Variants in STON1 observed in about 807,000 individuals in gnomAD.
STON1 encodes the protein stonin 1.
Under a neutral mutation model 60.9 loss-of-function variants are expected in STON1, and 79 were observed. The observed-to-expected ratio is 1.30, with a 90% CI of 1.08 to 1.56. The LOEUF (loss-of-function observed/expected upper bound fraction) is 1.56, where lower values mean the gene tolerates loss of function less well. Among genes scored for constraint, STON1 ranks in the 40% most tolerant of loss-of-function variants. The probability of loss-of-function intolerance (pLI) is 0.00; values close to 1 mark genes in which losing one functional copy is unlikely to be tolerated. For missense variants in STON1, 1,166 were observed against 858.9 expected (o/e 1.36, Z -4.47); for synonymous variants, 363 against 306.9 (o/e 1.18, Z -1.91).
intron 1 of STON1, chr2:48,531,434 G>C (rs974126156): frequency 6.6e-6 from 1 of 152,212 alleles, no homozygotes; most frequent in Non-Finnish European, 1.5e-5. Context: ...TTGGGTGGAA[G>C]AATTGTTTAG....
chr2:48,539,913 A>G (rs577106238), intron 1 of STON1, among the ~76,000 whole-genome samples: 1 of 152,096 alleles, frequency 6.6e-6, no homozygotes, highest in Non-Finnish European at 1.5e-5. Flanking sequence ...CCTATTTCAC[A>G]TATGGAGCAG....
At chr2:48,564,552 CTTCTTCTTCTT>C (rs1558605510) in intron 1 of STON1, among the ~76,000 whole-genome samples, 54 of 52,706 alleles carry the variant, frequency 1.0e-3, no homozygotes, top group Middle Eastern at 9.8e-3. Context: ...TCTTCTTCTT[CTTCTTCTTCTT>C]CTTCTCCTTC....
At chr2:48,588,111 C>T (rs1270363106) in intron 2 of STON1, among the ~76,000 whole-genome samples, 2 of 152,178 alleles carry the variant, frequency 1.3e-5, no homozygotes, top group African/African-American at 2.4e-5. Flanking sequence ...GCCCAGGAAT[C>T]ACCTTGTTAA....
At chr2:48,555,372 C>T (rs1202586461) in intron 1 of STON1, among the ~76,000 whole-genome samples, 2 of 47,308 alleles carry the variant, frequency 4.2e-5, no homozygotes, top group Non-Finnish European at 8.7e-5. Flanking sequence ...GGCAGAGGGG[C>T]TCCTCACTTC....
intron 1 of STON1, among the ~76,000 whole-genome samples, chr2:48,564,582 C>T (rs1672835963): frequency 1.7e-5 from 1 of 57,706 alleles, no homozygotes; most frequent in Non-Finnish European, 3.9e-5. Flanking sequence ...TCTCCTTCTC[C>T]TCCTCCTCCT....
intron 1 of STON1, among the ~76,000 whole-genome samples, chr2:48,550,303 G>A (rs1315910408): frequency 6.6e-6 from 1 of 151,984 alleles, no homozygotes; most frequent in Non-Finnish European, 1.5e-5. Context: ...TTTGAGACCA[G>A]CCTGATCAAC....
chr2:48,534,605 G>A (rs1349661917), intron 1 of STON1, among the ~76,000 whole-genome samples: 1 of 152,126 alleles, frequency 6.6e-6, no homozygotes, highest in African/African-American at 2.4e-5. Flanking sequence ...GATCACTTGA[G>A]CCCAGGGGTT....
At chr2:48,567,612 A>G (rs1199916628) in intron 1 of STON1, among the ~76,000 whole-genome samples, 2 of 152,068 alleles carry the variant, frequency 1.3e-5, no homozygotes, top group African/African-American at 4.8e-5. Context: ...GGGTTTTGCC[A>G]TGTTGGTTTC....
At chr2:48,551,848 T>C (rs766417425) in intron 1 of STON1, among the ~76,000 whole-genome samples, 3 of 152,064 alleles carry the variant, frequency 2.0e-5, no homozygotes, top group Non-Finnish European at 2.9e-5. Flanking sequence ...TGTGCTGGAG[T>C]TGCTCCCAGC....
At chr2:48,556,946 G>A (rs1452381943) in intron 1 of STON1, among the ~76,000 whole-genome samples, 11 of 19,454 alleles carry the variant, frequency 5.7e-4, no homozygotes, top group Admixed American at 7.7e-4. Context: ...CTCACCTCCC[G>A]GACGGGGCGG....
chr2:48,575,123 T>C (rs1321895691), intron 1 of STON1, among the ~76,000 whole-genome samples: 1 of 152,258 alleles, frequency 6.6e-6, no homozygotes, highest in Non-Finnish European at 1.5e-5. Flanking sequence ...GATTTGTCCT[T>C]CTGTGATGGG....
chr2:48,591,924 A>T, intron 3 of STON1, 69 bp downstream of exon 3: 1 of 1,551,108 alleles, frequency 6.4e-7, no homozygotes, highest in South Asian at 1.2e-5. Flanking sequence ...GTCTTTTGTG[A>T]TCGTGTATGT....
rs569552126 is a variant in STON1 at position 48,561,636 on chromosome 2, G to A, written c.-47-18951G>A. On this transcript the variant is annotated intron_variant, in intron 1 of 3. Coordinates refer to ENST00000404752, the MANE Select transcript of STON1 (RefSeq NM_006873.4). ...TGTAGAATGTTTAGCAGCATCTCTG[G>A]CCCCTACTTACTAGACGCTAGTAGC... Among the ~76,000 whole-genome samples the A allele has an allele frequency of 3.9e-5, 6 of 152,224 alleles. No homozygotes were observed. The East Asian group carries it at 1.2e-3, about 29-fold the overall frequency.
At chr2:48,565,045 C>CTTTTT (rs35791710) in intron 1 of STON1, among the ~76,000 whole-genome samples, 44 of 86,486 alleles carry the variant, frequency 5.1e-4, no homozygotes, top group Non-Finnish European at 7.3e-4. Flanking sequence ...CCGGCTTCTT[C>CTTTTT]TTTTTTTTTT....
rs1168024403 is a variant in STON1 at position 48,581,772 on chromosome 2, C to A, written c.1139C>A (p.Ser380Tyr). 6.2e-7 allele frequency: 1 copy of A among 1,613,904 alleles called. No homozygotes were observed. Among genetic ancestry groups the A allele is most frequent in the South Asian group, 1.1e-5 (1 of 90,974 alleles). Residue 380 changes from serine (S) to tyrosine (Y), a missense_variant, in exon 2 of 4, where the codon TCC becomes TAC. Transcript: ENST00000404752. ...ATAGAGCAGATGCTGAAGTTGGGGT[C>A]CACATCGTACCATGACTTCCTTGAC... Reference protein sequence around the residue: ...PDIEQMLKLGSTSYHDFLDFL... With the variant: ...PDIEQMLKLGYTSYHDFLDFL...
At position 48,591,696 on chromosome 2, in the gene STON1, A is replaced by G. The variant is rs1341999741; in HGVS notation, c.1974A>G (p.Gly658=). ...GTCTGTCATACAAATTAGAGCTTGG[A>G]TCAGACCAAGAAATTCCCTCTGATT... is the stretch of plus-strand genomic sequence containing the variant. ...PHCLSYKLEL[G]SDQEIPSDWY... is the part of the protein sequence containing the mutation. Residue 658 remains glycine (G), a synonymous_variant, in exon 3 of 4, where the codon GGA becomes GGG. Coordinates refer to ENST00000404752, the MANE Select transcript of STON1 (RefSeq NM_006873.4). 4.3e-6 allele frequency: 7 copies of G among 1,613,982 alleles called. No homozygotes were observed. The African/African-American group carries it at 6.7e-5, about 15-fold the overall frequency.
At position 48,539,225 on chromosome 2, in the gene STON1, T is replaced by C. The variant is rs7588175; in HGVS notation, c.-48+9009T>C. On this transcript the variant is annotated intron_variant, in intron 1 of 3. Coordinates refer to ENST00000404752, the MANE Select transcript of STON1 (RefSeq NM_006873.4). Reference sequence around the variant, plus strand: ...GAGCCACCACTCCTTGCCCTTTTTTTATTCTTAATATTGTTTATTTGTGCC... The same window carrying C: ...GAGCCACCACTCCTTGCCCTTTTTTCATTCTTAATATTGTTTATTTGTGCC... Among the ~76,000 whole-genome samples the C allele has an allele frequency of 9.0e-3, 1,367 of 152,266 alleles. 8 individuals are homozygous for C. The highest frequency in any genetic ancestry group is 0.016 in the African/African-American group (676 of 41,568).
intron 1 of STON1, among the ~76,000 whole-genome samples, chr2:48,562,330 T>C (rs575210171): frequency 6.6e-6 from 1 of 152,146 alleles, no homozygotes; most frequent in Non-Finnish European, 1.5e-5. Flanking sequence ...CAGTTCAGAG[T>C]TGTTCAGAAA....
rs1673836941 is a variant in STON1, at chr2:48,580,845, T to G, written c.212T>G (p.Phe71Cys). The G allele has an allele frequency of 1.9e-6, 3 of 1,546,366 alleles. No homozygotes were observed. The South Asian group carries it at 3.9e-5, about 20-fold the overall frequency. The change falls in exon 2 of 4, where the codon TTC becomes TGC. Residue 71 changes from phenylalanine (F) to cysteine (C), a missense_variant. By Grantham distance (205) the Phe-to-Cys change is radical. Coordinates refer to ENST00000404752, the MANE Select transcript of STON1 (RefSeq NM_006873.4). Reference protein sequence around the residue: ...PLSSPIVDFYFSPGPPSNSPL... With the variant: ...PLSSPIVDFYCSPGPPSNSPL... ...TCCTCCCCCATTGTAGATTTTTATT[T>G]CAGTCCAGGACCTCCAAGTAACTCT...
Sources: allele counts gnomAD v4.1 joint callset (sites outside exome capture counted in the v4.1 genomes callset), GRCh38; gene constraint gnomAD v4.1.1; transcripts MANE v1.5; gene names NCBI Gene and HGNC (gene_info 2026-07-23, HGNC 2026-07-21).